FREM1: variants seen among roughly 807,000 people sequenced by gnomAD.
FREM1 encodes the protein FRAS1 related extracellular matrix 1, also known as FRAS1-related extracellular matrix protein 1.
In FREM1, 220 loss-of-function variants were observed where a neutral mutation model predicts 210.1. The observed-to-expected ratio is 1.05, with a 90% CI of 0.94 to 1.17. The LOEUF is 1.17. Among genes scored for constraint, FREM1 ranks in the 50% most tolerant of loss-of-function variants. FREM1 has a pLI of 0.00. For missense variants in FREM1, 3,454 were observed against 2,675.5 expected, an observed-to-expected ratio of 1.29 and a Z score of -6.42; for synonymous variants, 1,189 against 980.2, an observed-to-expected ratio of 1.21 and a Z score of -3.98.
chr9:14,879,925 G>T (rs983404172), intron 1 of FREM1, among the ~76,000 whole-genome samples: 1 of 152,116 alleles, frequency 6.6e-6, no homozygotes, highest in African/African-American at 2.4e-5. Context: ...GATGAGGGGG[G>T]TGCTATGTCT....
rs1385213561 is a variant in FREM1 at position 14,747,372 on chromosome 9, C to T, written c.5901G>A (p.Arg1967=). ...LEDDSFPTHK[R]KAKVSIISQP... is the part of the protein sequence containing the mutation. Reference sequence around the variant, plus strand: ...GACTAATGATGGATACTTTGGCCTTCCTTTTGTGAGTTGGGAAACTGTCAT... The same window carrying T: ...GACTAATGATGGATACTTTGGCCTTTCTTTTGTGAGTTGGGAAACTGTCAT... The change falls in exon 33 of 37, where the codon AGG becomes AGA. Residue 1967 remains arginine (R), a synonymous_variant. Coordinates refer to ENST00000380880, the MANE Select transcript of FREM1 (RefSeq NM_001379081.2). The T allele has an allele frequency of 6.2e-7, 1 of 1,613,714 alleles. No homozygotes were observed.
chr9:14,823,246 A>G lies in FREM1; in HGVS notation c.2251T>C (p.Phe751Leu), dbSNP rs780890218. The change falls in exon 13 of 37, where the codon TTT becomes CTT. Residue 751 changes from phenylalanine to leucine, a missense_variant. Phe to Leu is a conservative substitution (Grantham distance 22). Transcript: ENST00000380880. ...GPHCRDVQFT[F>L]SVSNQHGGTL... Reference sequence around the variant, plus strand: ...CCGCCATGTTGGTTACTGACAGAAAATGTGAACTGGACATCTCTGCAATGG... The same window carrying G: ...CCGCCATGTTGGTTACTGACAGAAAGTGTGAACTGGACATCTCTGCAATGG... The G allele has an allele frequency of 4.3e-6, 7 of 1,613,830 alleles. No homozygotes were observed. The highest frequency in any genetic ancestry group is 1.3e-5 in the African/African-American group (1 of 74,930).
chr9:14,782,164 T>G (rs1038111209), intron 24 of FREM1, among the ~76,000 whole-genome samples: 1 of 152,250 alleles, frequency 6.6e-6, no homozygotes, highest in Non-Finnish European at 1.5e-5. Context: ...GTTGCCTCTC[T>G]GGGGTAAGGC....
At chr9:14,847,904 T>G (rs1382502548) in intron 7 of FREM1, among the ~76,000 whole-genome samples, 1 of 152,178 alleles carries the variant, frequency 6.6e-6, no homozygotes, top group Non-Finnish European at 1.5e-5. Context: ...TACAGTAGGA[T>G]GTATAGCCAG....
intron 27 of FREM1, among the ~76,000 whole-genome samples, chr9:14,763,873 A>G (rs552895572): frequency 2.6e-5 from 4 of 152,204 alleles, no homozygotes; most frequent in African/African-American, 9.6e-5. Context: ...CTTGTAGAGC[A>G]TCTAAAACAT....
chr9:14,796,145 G>C (rs1292904082), intron 21 of FREM1, among the ~76,000 whole-genome samples: 2 of 152,132 alleles, frequency 1.3e-5, no homozygotes, highest in African/African-American at 4.8e-5. Context: ...GTGGCTCATA[G>C]GGAACAGCAG....
At chr9:14,889,470 A>G (rs1588614186) in intron 1 of FREM1, among the ~76,000 whole-genome samples, 1 of 152,174 alleles carries the variant, frequency 6.6e-6, no homozygotes, top group East Asian at 1.9e-4. Context: ...TACATAAGAG[A>G]GGAAGACCCA....
At chr9:14,896,485 C>T (rs2132492697) in intron 1 of FREM1, among the ~76,000 whole-genome samples, 1 of 142,952 alleles carries the variant, frequency 7.0e-6, no homozygotes, top group African/African-American at 2.6e-5. Flanking sequence ...ACAGAGGTTG[C>T]AGTTAGCTGA....
rs187669185 is a variant in FREM1 at position 14,758,162 on chromosome 9, T to C, written c.5334+1610A>G. Among the ~76,000 whole-genome samples, 1,117 of 152,210 alleles carry C rather than the reference T, an allele frequency of 7.3e-3. 8 individuals are homozygous for C. Among genetic ancestry groups the C allele is most frequent in the Middle Eastern group, 0.017 (5 of 294 alleles). The stretch of plus-strand genomic sequence containing the variant: ...TCCCAGTCAAGCAGCCAAGCTCTAG[T>C]GTAAGGCTGCAGGTTGTGCTCAGGG... On this transcript the variant is annotated intron_variant, in intron 28 of 36. Transcript: ENST00000380880.
intron 8 of FREM1, among the ~76,000 whole-genome samples, chr9:14,844,144 A>G (rs1271253471): frequency 1.3e-5 from 2 of 152,030 alleles, no homozygotes; most frequent in Non-Finnish European, 2.9e-5. Flanking sequence ...CCATCAATGC[A>G]TTATGGTCTC....
At chr9:14,859,904 C>A (rs1026219163) in intron 3 of FREM1, among the ~76,000 whole-genome samples, 5 of 152,172 alleles carry the variant, frequency 3.3e-5, no homozygotes, top group African/African-American at 4.8e-5. Context: ...AGAAATACCA[C>A]TACATAGGTG....
intron 1 of FREM1, among the ~76,000 whole-genome samples, chr9:14,902,712 G>C (rs958143170): frequency 3.9e-5 from 6 of 152,186 alleles, no homozygotes; most frequent in Admixed American, 6.5e-5. Flanking sequence ...GTTTTTGAAA[G>C]ATTCTGTAAA....
chr9:14,848,280 T>A (rs1827048571), intron 7 of FREM1, among the ~76,000 whole-genome samples: 1 of 152,208 alleles, frequency 6.6e-6, no homozygotes, highest in South Asian at 2.1e-4. Flanking sequence ...CAGCCCAACA[T>A]AAAAATAGAC....
Position 14,805,154 on chromosome 9 carries a change from T to A in FREM1, c.3275-2A>T. On this transcript the variant is annotated splice_acceptor_variant, in intron 18 of 36. Transcript: ENST00000380880. LOFTEE classifies it high-confidence loss of function. ...TCATGTCTTTCCACTGAAATGAATC[T>A]AGAGCACACCAAGATGGAACAGATA... is the stretch of plus-strand genomic sequence containing the variant. The A allele has an allele frequency of 6.5e-7, 1 of 1,539,518 alleles. No homozygotes were observed. Among genetic ancestry groups the A allele is most frequent in the Non-Finnish European group, 8.8e-7 (1 of 1,141,850 alleles).
chr9:14,831,418 T>C (rs1823535549), intron 10 of FREM1, among the ~76,000 whole-genome samples: 1 of 152,228 alleles, frequency 6.6e-6, no homozygotes, highest in African/African-American at 2.4e-5. Flanking sequence ...AGGCCTCTTC[T>C]GTGAATGGAA....
chr9:14,771,358 C>G (rs1190755122), intron 25 of FREM1, among the ~76,000 whole-genome samples: 4 of 151,930 alleles, frequency 2.6e-5, no homozygotes, highest in African/African-American at 9.7e-5. Flanking sequence ...ATAGAGATAC[C>G]TCAGTAAGGA....
At chr9:14,888,549 A>C (rs1046274860) in intron 1 of FREM1, among the ~76,000 whole-genome samples, 1 of 152,204 alleles carries the variant, frequency 6.6e-6, no homozygotes, top group Non-Finnish European at 1.5e-5. Flanking sequence ...ATTAAGAGAG[A>C]TACCCTGTCT....
chr9:14,821,404 C>T (rs2130761427), intron 13 of FREM1, among the ~76,000 whole-genome samples: 1 of 152,306 alleles, frequency 6.6e-6, no homozygotes, highest in Middle Eastern at 3.4e-3. Flanking sequence ...TCATCATTCT[C>T]CATCAAGAGG....
At chr9:14,879,084 G>A in intron 1 of FREM1, among the ~76,000 whole-genome samples, 1 of 151,450 alleles carries the variant, frequency 6.6e-6, no homozygotes, top group Non-Finnish European at 1.5e-5. Context: ...TTGAACCTGG[G>A]AGGCGGAGGT....
Sources: allele counts gnomAD v4.1 joint callset (sites outside exome capture counted in the v4.1 genomes callset), GRCh38; gene constraint gnomAD v4.1.1; transcripts MANE v1.5; gene names NCBI Gene and HGNC (gene_info 2026-07-23, HGNC 2026-07-21).